Variants in OR1J2 observed in about 807,000 individuals in gnomAD.
OR1J2 encodes the protein olfactory receptor 1J2.
For missense variants in OR1J2, 304 were observed against 246.1 expected (o/e 1.24, Z -1.57); for synonymous variants, 142 against 99.7 (o/e 1.42, Z -2.52).
chr9:122,477,663 C>A, the OR1J2 span: 1 of 1,614,208 alleles, frequency 6.2e-7, no homozygotes, highest in Non-Finnish European at 8.5e-7. Context: ...CGGCTAGGTG[C>A]TGAGTCTGCA....
rs1828619554 is a variant in OR1J2, at chr9:122,510,912, C to T, written c.111C>T (p.Thr37=). 6.2e-7 allele frequency: 1 copy of T among 1,612,452 alleles called. No homozygotes were observed. Among genetic ancestry groups the T allele is most frequent in the East Asian group, 2.2e-5 (1 of 44,856 alleles). Residue 37 remains threonine, a synonymous_variant, in exon 1 of 1, where the codon ACC becomes ACT. Coordinates refer to ENST00000335302, the MANE Select transcript of OR1J2 (RefSeq NM_054107.1). ...CCCTGTTCCTGGGCATGTACCTGACCACGGTGCTGGGGAACCTGCTCATCA... is the reference window on the plus strand; with the variant it reads ...CCCTGTTCCTGGGCATGTACCTGACTACGGTGCTGGGGAACCTGCTCATCA... ...FFTLFLGMYL[T]TVLGNLLIML... is the part of the protein sequence containing the mutation.
At chr9:122,569,617 A>C in the OR1J2 span, among the ~76,000 whole-genome samples, 1 of 152,220 alleles carries the variant, frequency 6.6e-6, no homozygotes, top group Non-Finnish European at 1.5e-5. Context: ...TAAAATCTCT[A>C]CAGTGAACAT....
the OR1J2 span, among the ~76,000 whole-genome samples, chr9:122,549,616 G>T: frequency 6.6e-6 from 1 of 152,012 alleles, no homozygotes; most frequent in Non-Finnish European, 1.5e-5. Context: ...TGTTGAATAG[G>T]GTGTCTTTTC....
chr9:122,456,667 A>G, the OR1J2 span, among the ~76,000 whole-genome samples: 15 of 152,148 alleles, frequency 9.9e-5, no homozygotes, highest in African/African-American at 3.4e-4. Flanking sequence ...CAAAACCACA[A>G]TGAGATACCA....
the OR1J2 span, among the ~76,000 whole-genome samples, chr9:122,547,020 T>C: frequency 6.6e-6 from 1 of 152,160 alleles, no homozygotes; most frequent in African/African-American, 2.4e-5. Context: ...ATAGTCATCC[T>C]ACAGTGGTAT....
the OR1J2 span, among the ~76,000 whole-genome samples, chr9:122,537,818 G>C: frequency 2.0e-5 from 3 of 152,148 alleles, no homozygotes; most frequent in Non-Finnish European, 4.4e-5. Context: ...AGGTTAATAG[G>C]CAAAAGGAAG....
At chr9:122,539,150 G>T in the OR1J2 span, among the ~76,000 whole-genome samples, 1 of 151,810 alleles carries the variant, frequency 6.6e-6, no homozygotes. Flanking sequence ...TAAGTTTTAG[G>T]GTACATGTGC....
the OR1J2 span, among the ~76,000 whole-genome samples, chr9:122,533,491 G>A: frequency 6.6e-6 from 1 of 152,054 alleles, no homozygotes; most frequent in African/African-American, 2.4e-5. Context: ...GTTAAGGTGG[G>A]GAGATAGAAG....
chr9:122,462,843 G>A, the OR1J2 span, among the ~76,000 whole-genome samples: 4 of 152,070 alleles, frequency 2.6e-5, no homozygotes, highest in South Asian at 4.1e-4. Context: ...CTTTTGCCTC[G>A]CAGCTCTTAA....
the OR1J2 span, chr9:122,554,069 C>T: frequency 3.7e-6 from 6 of 1,613,512 alleles, no homozygotes; most frequent in East Asian, 1.3e-4. Flanking sequence ...TGATTATTCC[C>T]ACGCTAAACC....
chr9:122,476,308 T>C, the OR1J2 span, among the ~76,000 whole-genome samples: 2 of 152,210 alleles, frequency 1.3e-5, no homozygotes, highest in Non-Finnish European at 2.9e-5. Context: ...AGAGGAGCCA[T>C]ATCTTCACAA....
At chr9:122,573,694 AT>A in the OR1J2 span, among the ~76,000 whole-genome samples, 1 of 152,190 alleles carries the variant, frequency 6.6e-6, no homozygotes, top group East Asian at 1.9e-4. Context: ...TATGTGGCTT[AT>A]TTTTTTATTC....
chr9:122,466,834 G>A, the OR1J2 span, among the ~76,000 whole-genome samples: 16 of 151,022 alleles, frequency 1.1e-4, no homozygotes, highest in Admixed American at 7.9e-4. Context: ...TTTTTTTGGC[G>A]GGGGACAGAG....
the OR1J2 span, among the ~76,000 whole-genome samples, chr9:122,533,302 A>G: frequency 6.6e-6 from 1 of 152,208 alleles, no homozygotes; most frequent in Non-Finnish European, 1.5e-5. Flanking sequence ...AGGAGAGTTT[A>G]TAGGCTTTAA....
the OR1J2 span, among the ~76,000 whole-genome samples, chr9:122,563,576 GTTGA>G: frequency 6.6e-6 from 1 of 152,192 alleles, no homozygotes; most frequent in Non-Finnish European, 1.5e-5. Context: ...TCTTTGCTCT[GTTGA>G]TTGTTTCCTC....
the OR1J2 span, among the ~76,000 whole-genome samples, chr9:122,570,961 A>G: frequency 1.3e-5 from 2 of 152,202 alleles, no homozygotes; most frequent in Non-Finnish European, 2.9e-5. Context: ...TGATCTGTTC[A>G]AGGTCAGTAA....
chr9:122,517,207 C>A, the OR1J2 span, among the ~76,000 whole-genome samples: 50 of 152,280 alleles, frequency 3.3e-4, 1 homozygote, highest in East Asian at 2.5e-3. Context: ...GGACTTGAAT[C>A]TAGGGCTAAT....
At chr9:122,539,811 T>C in the OR1J2 span, among the ~76,000 whole-genome samples, 1 of 152,186 alleles carries the variant, frequency 6.6e-6, no homozygotes, top group African/African-American at 2.4e-5. Context: ...GCCATTCTAA[T>C]TGGTATGAGA....
chr9:122,543,288 G>A, the OR1J2 span, among the ~76,000 whole-genome samples: 1 of 144,046 alleles, frequency 6.9e-6, no homozygotes, highest in Admixed American at 7.0e-5. Context: ...CTGCAGCCTC[G>A]ACCTTCTGGG....
Sources: allele counts gnomAD v4.1 joint callset (sites outside exome capture counted in the v4.1 genomes callset), GRCh38; gene constraint gnomAD v4.1.1; transcripts MANE v1.5; gene names NCBI Gene and HGNC (gene_info 2026-07-23, HGNC 2026-07-21).